The following ACOXL variants were observed in gnomAD, a reference collection of about 807,000 sequenced individuals.
ACOXL encodes the protein acyl-CoA oxidase like.
A neutral mutation model predicts 71.9 loss-of-function variants in ACOXL; 70 were observed. The observed-to-expected ratio is 0.97, with a 90% confidence interval of 0.80 to 1.19. ACOXL has a LOEUF of 1.19. Among genes scored for constraint, ACOXL ranks in the 50% most tolerant of loss-of-function variants. The pLI is 0.00. For missense variants in ACOXL, 703 were observed against 736.3 expected, an observed-to-expected ratio of 0.95 and a Z score of 0.52; for synonymous variants, 253 against 281.6, an observed-to-expected ratio of 0.90 and a Z score of 1.02.
At chr2:110,842,243 A>G (rs1026436792) in intron 10 of ACOXL, among the ~76,000 whole-genome samples, 3 of 152,218 alleles carry the variant, frequency 2.0e-5, no homozygotes. Flanking sequence ...GGGGGGAGCC[A>G]TGTAGGTTAC....
chr2:110,738,748 G>T (rs1350073349), intron 1 of ACOXL, among the ~76,000 whole-genome samples: 1 of 152,162 alleles, frequency 6.6e-6, no homozygotes, highest in Non-Finnish European at 1.5e-5. Context: ...TCAGTTATCT[G>T]TACTGTTCTG....
In ACOXL at chr2:110,848,963, C is replaced by G. The variant is rs557446759; in HGVS notation, c.788+7558C>G. Among the ~76,000 whole-genome samples, 4 of 152,370 alleles carry G rather than the reference C, an allele frequency of 2.6e-5. No homozygotes were observed. In the South Asian group the frequency reaches 8.3e-4, roughly 32 times the overall value. Reference sequence around the variant, plus strand: ...CTGTCTCCTCACGCTGAGCTTCCTGCCACATCCACCCCTTGCTTTTGCTAT... The same window carrying G: ...CTGTCTCCTCACGCTGAGCTTCCTGGCACATCCACCCCTTGCTTTTGCTAT... On this transcript the variant is annotated intron_variant, in intron 10 of 17. Coordinates refer to ENST00000439055, the MANE Select transcript of ACOXL (RefSeq NM_001142807.4).
At chr2:110,937,382 T>C (rs986020066) in intron 12 of ACOXL, among the ~76,000 whole-genome samples, 1 of 148,634 alleles carries the variant, frequency 6.7e-6, no homozygotes, top group Non-Finnish European at 1.5e-5. Flanking sequence ...TTCTAGCACC[T>C]ATCACTCAGG....
intron 14 of ACOXL, among the ~76,000 whole-genome samples, chr2:110,996,228 G>T (rs930231823): frequency 6.6e-5 from 10 of 152,228 alleles, no homozygotes; most frequent in African/African-American, 2.2e-4. Flanking sequence ...AATTCCACCT[G>T]CAGGCATCAT....
At chr2:110,829,325 A>C (rs756966204) in intron 9 of ACOXL, among the ~76,000 whole-genome samples, 1 of 152,176 alleles carries the variant, frequency 6.6e-6, no homozygotes, top group Non-Finnish European at 1.5e-5. Flanking sequence ...CGTTGGGTCC[A>C]GGTGGTGGTC....
intron 17 of ACOXL, among the ~76,000 whole-genome samples, chr2:111,107,199 G>A (rs749992738): frequency 1.1e-4 from 16 of 152,192 alleles, no homozygotes; most frequent in African/African-American, 3.1e-4. Context: ...TTTTGTGTAC[G>A]TCTGTTGGTG....
At chr2:110,986,350 A>G (rs891007538) in intron 12 of ACOXL, among the ~76,000 whole-genome samples, 13 of 152,234 alleles carry the variant, frequency 8.5e-5, no homozygotes, top group African/African-American at 2.9e-4. Context: ...AACCACCGCA[A>G]AACTTAGTGC....
At chr2:111,008,457 A>G (rs1384122300) in intron 14 of ACOXL, among the ~76,000 whole-genome samples, 1 of 152,038 alleles carries the variant, frequency 6.6e-6, no homozygotes, top group Admixed American at 6.6e-5. Flanking sequence ...GATCTACCTC[A>G]TTCATTTTTT....
At chr2:110,858,963 C>T (rs866044616) in intron 10 of ACOXL, among the ~76,000 whole-genome samples, 2 of 152,250 alleles carry the variant, frequency 1.3e-5, no homozygotes, top group African/African-American at 4.8e-5. Flanking sequence ...CGAGGCGGTA[C>T]CTTTGTATAT....
intron 8 of ACOXL, among the ~76,000 whole-genome samples, chr2:110,804,177 G>A (rs1204944429): frequency 2.6e-5 from 4 of 151,904 alleles, no homozygotes; most frequent in Non-Finnish European, 5.9e-5. Context: ...AGTAGAGATG[G>A]GGTTTTGCCA....
At chr2:110,882,656 A>G (rs1395699533) in intron 10 of ACOXL, among the ~76,000 whole-genome samples, 2 of 152,088 alleles carry the variant, frequency 1.3e-5, no homozygotes, top group African/African-American at 2.4e-5. Context: ...TTTTGCATAT[A>G]GTGTAAGGTA....
intron 12 of ACOXL, among the ~76,000 whole-genome samples, chr2:110,975,848 T>A (rs753025601): frequency 6.6e-6 from 1 of 151,130 alleles, no homozygotes. Context: ...AAGAACAAAT[T>A]TGAGAAAACT....
At chr2:110,980,063 C>T (rs2062634442) in intron 12 of ACOXL, among the ~76,000 whole-genome samples, 1 of 152,178 alleles carries the variant, frequency 6.6e-6, no homozygotes, top group African/African-American at 2.4e-5. Context: ...CACGCTTAGG[C>T]CAGGGCGGCC....
At position 110,962,873 on chromosome 2, in the gene ACOXL, G is replaced by A. The variant is rs186818940; in HGVS notation, c.1060-24235G>A. ...TGTGGAAGCAGGCTTGGACGGGGGAGCAATTCTGGATATTTCATGGGGAAA... is the reference window on the plus strand; with the variant it reads ...TGTGGAAGCAGGCTTGGACGGGGGAACAATTCTGGATATTTCATGGGGAAA... On this transcript the variant is annotated intron_variant, in intron 12 of 17. Coordinates refer to ENST00000439055, the MANE Select transcript of ACOXL (RefSeq NM_001142807.4). 1.3e-3 allele frequency among the ~76,000 whole-genome samples: 205 copies of A among 152,344 alleles called. 1 individual carries two copies. The highest frequency in any genetic ancestry group is 4.4e-3 in the East Asian group (23 of 5,192).
chr2:111,040,234 G>A (rs1386626254), intron 15 of ACOXL, among the ~76,000 whole-genome samples: 7 of 152,182 alleles, frequency 4.6e-5, no homozygotes, highest in African/African-American at 7.2e-5. Context: ...CACAGACCAT[G>A]TTGGTCCTAT....
chr2:110,951,952 G>A (rs2061348171), intron 12 of ACOXL, among the ~76,000 whole-genome samples: 1 of 152,196 alleles, frequency 6.6e-6, no homozygotes, highest in Admixed American at 6.5e-5. Flanking sequence ...CTTTCTAGGG[G>A]TGTCCTTAAC....
chr2:110,907,671 G>A (rs968895338), intron 10 of ACOXL, among the ~76,000 whole-genome samples: 7 of 152,112 alleles, frequency 4.6e-5, no homozygotes, highest in South Asian at 4.1e-4. Flanking sequence ...CTGTACTCAC[G>A]GTGCTTGCAC....
chr2:110,860,018 A>G (rs1171328600), intron 10 of ACOXL, among the ~76,000 whole-genome samples: 1 of 152,046 alleles, frequency 6.6e-6, no homozygotes, highest in Non-Finnish European at 1.5e-5. Flanking sequence ...CCTGCTTCCT[A>G]TCTGTGACTT....
intron 8 of ACOXL, 106 bp from the exon 9 acceptor site, chr2:110,805,157 G>A (rs929089056): frequency 5.9e-5 from 86 of 1,447,578 alleles, no homozygotes; most frequent in Non-Finnish European, 7.0e-5. Context: ...TCCACGATGG[G>A]GAAATCCGAG....
Sources: allele counts gnomAD v4.1 joint callset (sites outside exome capture counted in the v4.1 genomes callset), GRCh38; gene constraint gnomAD v4.1.1; transcripts MANE v1.5; gene names NCBI Gene and HGNC (gene_info 2026-07-23, HGNC 2026-07-21).